The following TBC1D5 variants were observed in gnomAD, a reference collection of about 807,000 sequenced individuals.
The protein encoded by TBC1D5 is TBC1 domain family member 5.
A neutral mutation model predicts 100.3 loss-of-function variants in TBC1D5; 75 were observed. That is an observed-to-expected ratio of 0.75 (90% CI 0.62 to 0.91). TBC1D5 has a LOEUF of 0.91. TBC1D5 is among the 40% of genes least tolerant of loss of function. The probability of loss-of-function intolerance (pLI) is 0.00; values close to 1 mark genes in which losing one functional copy is unlikely to be tolerated. For synonymous variants in TBC1D5, 323 were observed against 325.6 expected (o/e 0.99, Z 0.09); for missense variants, 910 against 942.4 (o/e 0.97, Z 0.45).
chr3:17,428,409 GTGTATATATATA>G (rs2094384641), intron 4 of TBC1D5, 29 bp downstream of exon 4: 1 of 385,718 alleles, frequency 2.6e-6, no homozygotes, highest in Non-Finnish European at 4.0e-6. Flanking sequence ...GTGTGTGTGT[GTGTATATATATA>G]TATATATATA....
At chr3:17,581,261 T>G (rs1299034376) in intron 2 of TBC1D5, among the ~76,000 whole-genome samples, 1 of 152,218 alleles carries the variant, frequency 6.6e-6, no homozygotes, top group East Asian at 1.9e-4. Context: ...AAACCACTTT[T>G]TCTTTATAAA....
chr3:17,201,416 A>G (rs1013178548), intron 18 of TBC1D5, among the ~76,000 whole-genome samples: 2 of 152,166 alleles, frequency 1.3e-5, no homozygotes, highest in Non-Finnish European at 2.9e-5. Flanking sequence ...AGGTGTATTA[A>G]TTTCTGACAC....
intron 16 of TBC1D5, 131 bp from the exon 17 acceptor site, chr3:17,238,550 A>G (rs1453572278): frequency 9.4e-7 from 1 of 1,068,682 alleles, no homozygotes; most frequent in Non-Finnish European, 1.3e-6. Context: ...ATATAAAGTG[A>G]GAAGTGAAAA....
intron 4 of TBC1D5, among the ~76,000 whole-genome samples, chr3:17,408,368 A>T (rs1246415138): frequency 6.6e-6 from 1 of 151,894 alleles, no homozygotes; most frequent in Non-Finnish European, 1.5e-5. Context: ...GAGTACAGTG[A>T]TGCAACCACA....
At chr3:17,482,460 T>C (rs751019977) in intron 3 of TBC1D5, among the ~76,000 whole-genome samples, 3 of 152,218 alleles carry the variant, frequency 2.0e-5, no homozygotes, top group Non-Finnish European at 4.4e-5. Flanking sequence ...CTGGAGCTTC[T>C]TTGTCATCAT....
intron 1 of TBC1D5, among the ~76,000 whole-genome samples, chr3:17,703,915 T>TG (rs1560511101): frequency 3.2e-4 from 12 of 37,456 alleles, no homozygotes; most frequent in South Asian, 1.5e-3. Flanking sequence ...TTTTTTTTTG[T>TG]TTTTTTTTTT....
chr3:17,240,765 G>GTTAT (rs2076241020), intron 16 of TBC1D5, among the ~76,000 whole-genome samples: 1 of 152,124 alleles, frequency 6.6e-6, no homozygotes, highest in Non-Finnish European at 1.5e-5. Context: ...ATATGAAGAA[G>GTTAT]TTATAATGTT....
chr3:17,376,478 G>A (rs766578435), intron 10 of TBC1D5, 47 bp downstream of exon 10: 29 of 1,526,682 alleles, frequency 1.9e-5, no homozygotes, highest in Middle Eastern at 1.7e-4. Flanking sequence ...AAAGGTTACC[G>A]TGGGGGCTAA....
chr3:17,446,895 TG>T (rs2094810749), intron 3 of TBC1D5, among the ~76,000 whole-genome samples: 1 of 150,878 alleles, frequency 6.6e-6, no homozygotes, highest in Non-Finnish European at 1.5e-5. Context: ...GGCGTGAACC[TG>T]GGAGGCGGAG....
chr3:17,359,381 T>C (rs1232163704), intron 13 of TBC1D5, among the ~76,000 whole-genome samples: 2 of 152,090 alleles, frequency 1.3e-5, no homozygotes, highest in Non-Finnish European at 2.9e-5. Flanking sequence ...GAAGTAATAG[T>C]GAGAAGACAG....
intron 3 of TBC1D5, among the ~76,000 whole-genome samples, chr3:17,452,922 C>CTT (rs2094960288): frequency 1.3e-5 from 2 of 150,716 alleles, no homozygotes; most frequent in Non-Finnish European, 2.9e-5. Context: ...GTTTACAAAA[C>CTT]AAGTCTTAAA....
At chr3:17,289,297 G>A (rs1319935407) in intron 15 of TBC1D5, among the ~76,000 whole-genome samples, 4 of 152,092 alleles carry the variant, frequency 2.6e-5, no homozygotes, top group South Asian at 4.1e-4. Flanking sequence ...ATGGTATGGC[G>A]GGCCGAGTGG....
At chr3:17,727,197 A>G (rs1225109211) in intron 1 of TBC1D5, among the ~76,000 whole-genome samples, 2 of 152,182 alleles carry the variant, frequency 1.3e-5, no homozygotes, top group South Asian at 2.1e-4. Context: ...CCTGGCCAAA[A>G]TGGTGAAACT....
intron 1 of TBC1D5, among the ~76,000 whole-genome samples, chr3:17,646,767 G>A (rs1271297573): frequency 1.3e-5 from 2 of 152,058 alleles, no homozygotes; most frequent in Non-Finnish European, 2.9e-5. Context: ...GGTCTCTCAG[G>A]ATAAAGTCTG....
At position 17,210,140 on chromosome 3, in the gene TBC1D5, C is replaced by G. The variant is rs138814241; in HGVS notation, c.1752+4067G>C. Among the ~76,000 whole-genome samples, 522 of 151,776 alleles carry G rather than the reference C, an allele frequency of 3.4e-3. 4 individuals carry two copies. The highest frequency in any genetic ancestry group is 0.011 in the African/African-American group (475 of 41,396). ...TTTATTTTATGCTCAAAATTAACTACTAGTTTAGACAGATGTTGAATCTAG... is the reference window on the plus strand; with the variant it reads ...TTTATTTTATGCTCAAAATTAACTAGTAGTTTAGACAGATGTTGAATCTAG... On this transcript the variant is annotated intron_variant, in intron 18 of 21. Transcript: ENST00000253692.
chr3:17,176,570 T>C (rs892080876), intron 19 of TBC1D5, among the ~76,000 whole-genome samples: 5 of 152,116 alleles, frequency 3.3e-5, no homozygotes, highest in African/African-American at 1.2e-4. Flanking sequence ...AAACACTGCA[T>C]GTTCTCACTC....
At chr3:17,354,625 C>T (rs1256850902) in intron 13 of TBC1D5, among the ~76,000 whole-genome samples, 1 of 151,742 alleles carries the variant, frequency 6.6e-6, no homozygotes, top group African/African-American at 2.4e-5. Flanking sequence ...GCGATGAAAA[C>T]CTTGGCCAGC....
intron 13 of TBC1D5, among the ~76,000 whole-genome samples, chr3:17,321,742 AG>A (rs1322861635): frequency 6.6e-6 from 1 of 152,130 alleles, no homozygotes; most frequent in African/African-American, 2.4e-5. Context: ...TTCTTTCTTG[AG>A]GGTTGTTTTC....
chr3:17,378,638 T>C (rs1273094005), intron 9 of TBC1D5, among the ~76,000 whole-genome samples: 1 of 151,908 alleles, frequency 6.6e-6, no homozygotes, highest in African/African-American at 2.4e-5. Flanking sequence ...TTACTTTTGA[T>C]TTCTATGATA....
Sources: gnomAD v4.1 joint callset for allele counts (sites outside exome capture counted in the v4.1 genomes callset) on GRCh38, gnomAD v4.1.1 for gene constraint, MANE v1.5 for transcripts, NCBI Gene and HGNC (gene_info 2026-07-23, HGNC 2026-07-21) for gene names.